DMD: variants seen among roughly 807,000 people sequenced by gnomAD.
DMD encodes dystrophin.
DMD carries 63 observed loss-of-function variants against 330.1 expected under a neutral mutation model. That is an observed-to-expected ratio of 0.19 (90% CI 0.16 to 0.24). DMD has a LOEUF of 0.24. Among genes scored for constraint, DMD ranks in the 10% least tolerant of loss-of-function variants. The pLI is 1.00. For missense variants in DMD, 3,344 were observed against 2,684.1 expected (o/e 1.25, Z -5.43); for synonymous variants, 1,223 against 959.8 (o/e 1.27, Z -5.07).
At chrX:32,041,334 A>G (rs1288309954) in intron 44 of DMD, among the ~76,000 whole-genome samples, 1 of 111,998 alleles carries the variant, frequency 8.9e-6, no homozygotes, top group East Asian at 2.8e-4. Flanking sequence ...GGTGATCTCC[A>G]CAAGTGTTGG....
At chrX:31,173,673 T>G in intron 71 of DMD, 69 bp from the exon 72 acceptor site, 1 of 941,138 alleles carries the variant, frequency 1.1e-6, no homozygotes, top group Non-Finnish European at 1.5e-6. Flanking sequence ...ACCACACAGT[T>G]ATGTTATACA....
At chrX:31,651,131 T>C (rs775354114) in intron 54 of DMD, among the ~76,000 whole-genome samples, 36 of 112,157 alleles carry the variant, frequency 3.2e-4, no homozygotes, top group Non-Finnish European at 5.8e-4. Flanking sequence ...AAGGTAATTC[T>C]TAGGTTTCCA....
rs771635598 is a variant in DMD, at chrX:31,555,945, T to C, written c.8218-48492A>G. Among the ~76,000 whole-genome samples the C allele has an allele frequency of 5.7e-4, 64 of 111,972 alleles. 2 individuals carry two copies. Among genetic ancestry groups the C allele is most frequent in the South Asian group, 5.6e-3 (15 of 2,679 alleles). ...TTGGTCTATGAGCCTTTCTGTTTCA[T>C]GATTTGGATAGGCTGCCTGGTAGTA... On this transcript the variant is annotated intron_variant, in intron 55 of 78. Transcript: ENST00000357033.
At chrX:31,661,135 T>C (rs2081098983) in intron 53 of DMD, among the ~76,000 whole-genome samples, 1 of 111,970 alleles carries the variant, frequency 8.9e-6, no homozygotes, top group African/African-American at 3.2e-5. Flanking sequence ...CTTTAATGCT[T>C]GAAAGGTAGA....
chrX:32,402,490 C>T (rs558519958), intron 30 of DMD, among the ~76,000 whole-genome samples: 1 of 111,143 alleles, frequency 9.0e-6, no homozygotes, highest in Admixed American at 9.6e-5. Context: ...CATTCACATC[C>T]TGTTCTCAAC....
At chrX:31,682,202 A>C (rs1360855708) in intron 52 of DMD, among the ~76,000 whole-genome samples, 2 of 112,525 alleles carry the variant, frequency 1.8e-5, no homozygotes, top group Non-Finnish European at 3.8e-5. Context: ...AGAATAATTA[A>C]AACTCAGTAA....
chrX:33,090,391 CTATAT>C (rs1253196564), intron 1 of DMD, among the ~76,000 whole-genome samples: 3 of 107,374 alleles, frequency 2.8e-5, no homozygotes, highest in Non-Finnish European at 5.7e-5. Context: ...ATATTCTATT[CTATAT>C]TATAACATAT....
chrX:32,856,814 G>A (rs1388686946), intron 2 of DMD, among the ~76,000 whole-genome samples: 2 of 111,745 alleles, frequency 1.8e-5, no homozygotes, highest in South Asian at 7.5e-4. Flanking sequence ...GGTGGCTCAC[G>A]CCTGTAATCC....
At chrX:33,338,067 T>C (rs745597734) in intron 1 of DMD, among the ~76,000 whole-genome samples, 1 of 112,215 alleles carries the variant, frequency 8.9e-6, no homozygotes, top group East Asian at 2.8e-4. Flanking sequence ...TTTTCACACT[T>C]AGGAAAATCT....
intron 55 of DMD, among the ~76,000 whole-genome samples, chrX:31,510,238 G>C (rs1203762568): frequency 9.0e-6 from 1 of 111,518 alleles, no homozygotes; most frequent in African/African-American, 3.3e-5. Context: ...TTGCCTAAAA[G>C]CCATATAGCT....
intron 7 of DMD, among the ~76,000 whole-genome samples, chrX:32,778,275 C>T (rs910403453): frequency 6.3e-4 from 67 of 106,802 alleles, no homozygotes; most frequent in African/African-American, 2.3e-3. Context: ...GGACTTTCGT[C>T]TAGGGTGAGG....
At chrX:32,004,716 C>G (rs1035536367) in intron 44 of DMD, among the ~76,000 whole-genome samples, 8 of 111,080 alleles carry the variant, frequency 7.2e-5, no homozygotes, top group Non-Finnish European at 1.3e-4. Context: ...CAGTTTTATT[C>G]TTTGTCACTT....
At chrX:32,898,472 C>T (rs749513049) in intron 2 of DMD, among the ~76,000 whole-genome samples, 36 of 112,187 alleles carry the variant, frequency 3.2e-4, no homozygotes, top group African/African-American at 1.1e-3. Context: ...AACATTACTG[C>T]GCTTTGTGAA....
intron 67 of DMD, among the ~76,000 whole-genome samples, chrX:31,200,215 C>A (rs2043303902): frequency 8.9e-6 from 1 of 111,953 alleles, no homozygotes; most frequent in Non-Finnish European, 1.9e-5. Flanking sequence ...CCTCAAGGGT[C>A]CCCTGTCTTG....
At chrX:32,807,550 T>A (rs1329703174) in intron 7 of DMD, among the ~76,000 whole-genome samples, 2 of 111,734 alleles carry the variant, frequency 1.8e-5, no homozygotes, top group African/African-American at 6.5e-5. Flanking sequence ...ATATACAATG[T>A]ACCTTTCTAC....
intron 44 of DMD, among the ~76,000 whole-genome samples, chrX:32,177,397 C>T (rs2096910098): frequency 8.9e-6 from 1 of 111,838 alleles, no homozygotes; most frequent in African/African-American, 3.3e-5. Context: ...TCTTGAACAT[C>T]TTTCTTCCAA....
intron 60 of DMD, among the ~76,000 whole-genome samples, chrX:31,438,125 C>T (rs1312970153): frequency 9.0e-6 from 1 of 110,718 alleles, no homozygotes; most frequent in Non-Finnish European, 1.9e-5. Context: ...CCTCTTTCTG[C>T]CTCATAGAAA....
chrX:32,967,896 C>G (rs1250859768), intron 2 of DMD, among the ~76,000 whole-genome samples: 1 of 111,971 alleles, frequency 8.9e-6, no homozygotes, highest in Non-Finnish European at 1.9e-5. Context: ...CCTCTTCTGA[C>G]CTGTCCAGTT....
chrX:32,734,487 T>G (rs1295033495), intron 7 of DMD, among the ~76,000 whole-genome samples: 1 of 107,627 alleles, frequency 9.3e-6, no homozygotes, highest in Non-Finnish European at 1.9e-5. Context: ...ACCAATATCC[T>G]TGATGAACAC....
Sources: allele counts gnomAD v4.1 joint callset (sites outside exome capture counted in the v4.1 genomes callset), GRCh38; gene constraint gnomAD v4.1.1; transcripts MANE v1.5; gene names NCBI Gene and HGNC (gene_info 2026-07-23, HGNC 2026-07-21).